The following RAD51B variants were observed in gnomAD, a reference collection of about 807,000 sequenced individuals.
RAD51B encodes RAD51 paralog B, also known as DNA repair protein RAD51 homolog 2.
RAD51B carries 38 observed loss-of-function variants against 42.2 expected under a neutral mutation model. The observed-to-expected ratio is 0.90, with a 90% CI of 0.70 to 1.18. RAD51B has a LOEUF of 1.18. RAD51B is among the 50% of genes most tolerant of loss of function. The pLI is 0.00. For missense variants in RAD51B, 373 were observed against 400.7 expected, an observed-to-expected ratio of 0.93 and a Z score of 0.59; for synonymous variants, 154 against 145.2, an observed-to-expected ratio of 1.06 and a Z score of -0.43.
chr14:68,421,896 A>G lies in RAD51B; in HGVS notation c.957+10369A>G, dbSNP rs2084709993. 19 of 1,585,424 alleles carry G rather than the reference A, an allele frequency of 1.2e-5. No homozygotes were observed. In the South Asian group the frequency reaches 1.8e-4, roughly 15 times the overall value. On this transcript the variant is annotated intron_variant, in intron 9 of 10. Transcript: ENST00000471583. ...ATTTGTGTTGGGTCCAGCATTTGCCATGGACAAGATGCCAGGACCTGTATG... is the reference window on the plus strand; with the variant it reads ...ATTTGTGTTGGGTCCAGCATTTGCCGTGGACAAGATGCCAGGACCTGTATG...
intron 8 of RAD51B, among the ~76,000 whole-genome samples, chr14:68,292,924 C>T (rs1381018300): frequency 6.6e-6 from 1 of 152,202 alleles, no homozygotes; most frequent in Admixed American, 6.5e-5. Context: ...ATCATAACCC[C>T]TATCAGCGAG....
intron 10 of RAD51B, among the ~76,000 whole-genome samples, chr14:68,649,780 T>C (rs1036645204): frequency 2.0e-5 from 3 of 152,188 alleles, no homozygotes; most frequent in African/African-American, 7.2e-5. Flanking sequence ...AGATTGGCCA[T>C]GATGAACACC....
intron 7 of RAD51B, among the ~76,000 whole-genome samples, chr14:67,989,992 ATC>A (rs1163982826): frequency 7.3e-6 from 1 of 136,814 alleles, no homozygotes; most frequent in South Asian, 2.3e-4. Flanking sequence ...TACTTTTAAC[ATC>A]TTTTTTTTTT....
At chr14:67,827,825 C>T (rs887603749) in intron 3 of RAD51B, among the ~76,000 whole-genome samples, 5 of 152,114 alleles carry the variant, frequency 3.3e-5, no homozygotes, top group Admixed American at 2.0e-4. Flanking sequence ...AATCTCATTC[C>T]TTTTTATGGC....
At chr14:68,624,667 C>T (rs889815013) in intron 10 of RAD51B, among the ~76,000 whole-genome samples, 1 of 152,120 alleles carries the variant, frequency 6.6e-6, no homozygotes, top group African/African-American at 2.4e-5. Context: ...CCTAGGTTCT[C>T]GGTGCTGTTG....
intron 10 of RAD51B, among the ~76,000 whole-genome samples, chr14:68,650,336 T>G (rs1234242233): frequency 2.6e-5 from 4 of 152,160 alleles, no homozygotes; most frequent in African/African-American, 9.7e-5. Context: ...CTGCTTAGAA[T>G]CCCCAGGATC....
chr14:68,114,890 A>G (rs989415968), intron 7 of RAD51B, among the ~76,000 whole-genome samples: 2 of 152,042 alleles, frequency 1.3e-5, no homozygotes, highest in Admixed American at 1.3e-4. Flanking sequence ...AAAAGTCAGG[A>G]AACAACAGGT....
chr14:68,466,297 G>A (rs2085985002), intron 9 of RAD51B, among the ~76,000 whole-genome samples: 2 of 152,194 alleles, frequency 1.3e-5, no homozygotes, highest in African/African-American at 4.8e-5. Context: ...CTTATTTTGT[G>A]TTTGACACAG....
chr14:68,560,685 G>A (rs1046195600), intron 10 of RAD51B, among the ~76,000 whole-genome samples: 5 of 152,234 alleles, frequency 3.3e-5, no homozygotes, highest in East Asian at 1.9e-4. Context: ...GCAGTGAGCC[G>A]AGATTGCGCC....
At chr14:67,978,017 G>A (rs1021025985) in intron 7 of RAD51B, among the ~76,000 whole-genome samples, 2 of 152,028 alleles carry the variant, frequency 1.3e-5, no homozygotes, top group African/African-American at 2.4e-5. Flanking sequence ...AAAGCCATAG[G>A]TAGAATGTTT....
chr14:67,937,294 G>A (rs2044990157), intron 7 of RAD51B, among the ~76,000 whole-genome samples: 1 of 152,196 alleles, frequency 6.6e-6, no homozygotes, highest in Non-Finnish European at 1.5e-5. Context: ...CTGTCTTTGT[G>A]ATATCCCAGT....
chr14:68,317,474 G>A (rs1453936478), intron 8 of RAD51B, among the ~76,000 whole-genome samples: 1 of 148,832 alleles, frequency 6.7e-6, no homozygotes, highest in Non-Finnish European at 1.5e-5. Context: ...ATGTCAGGAA[G>A]GTCATCAGTA....
chr14:68,540,601 A>G, intron 10 of RAD51B: 1 of 985,392 alleles, frequency 1.0e-6, no homozygotes, highest in Non-Finnish European at 1.2e-6. Context: ...GTGCAAGTAT[A>G]TAATGACACC....
chr14:68,369,651 T>G (rs567233526), intron 8 of RAD51B, among the ~76,000 whole-genome samples: 1 of 152,350 alleles, frequency 6.6e-6, no homozygotes, highest in South Asian at 2.1e-4. Context: ...TCACTTTCCC[T>G]ATCGATACTT....
intron 2 of RAD51B, among the ~76,000 whole-genome samples, chr14:67,824,845 G>A (rs1373404798): frequency 1.3e-5 from 2 of 151,626 alleles, no homozygotes; most frequent in Non-Finnish European, 2.9e-5. Flanking sequence ...TTGGGAGGCC[G>A]AGGTGGGCAG....
chr14:68,047,547 G>A (rs2076322553), intron 7 of RAD51B, among the ~76,000 whole-genome samples: 1 of 152,006 alleles, frequency 6.6e-6, no homozygotes. Flanking sequence ...AATCTTTTCT[G>A]TGTAATTTAA....
intron 11 of RAD51B, among the ~76,000 whole-genome samples, chr14:68,661,066 C>G (rs1267055250): frequency 1.3e-5 from 2 of 152,158 alleles, no homozygotes; most frequent in African/African-American, 2.4e-5. Context: ...GGAAGGCCAG[C>G]CATTTAGGAA....
chr14:68,202,255 G>A (rs1317237202), intron 7 of RAD51B, among the ~76,000 whole-genome samples: 1 of 152,114 alleles, frequency 6.6e-6, no homozygotes, highest in Non-Finnish European at 1.5e-5. Context: ...CTCTGATCAC[G>A]GTGGTGGTTA....
chr14:68,006,084 A>G (rs1274396404), intron 7 of RAD51B, among the ~76,000 whole-genome samples: 1 of 152,188 alleles, frequency 6.6e-6, no homozygotes, highest in Non-Finnish European at 1.5e-5. Flanking sequence ...ATCCACCTCC[A>G]TGATTCAAAC....
Sources: gnomAD v4.1 joint callset for allele counts (sites outside exome capture counted in the v4.1 genomes callset) on GRCh38, gnomAD v4.1.1 for gene constraint, MANE v1.5 for transcripts, NCBI Gene and HGNC (gene_info 2026-07-23, HGNC 2026-07-21) for gene names.